The following PLCL2 variants were observed in gnomAD, a reference collection of about 807,000 sequenced individuals.
The protein encoded by PLCL2 is inactive phospholipase C-like protein 2.
In PLCL2, 4 loss-of-function variants were observed where a neutral mutation model predicts 79.6. The observed-to-expected ratio is 0.05, with a 90% CI of 0.02 to 0.11. The LOEUF (loss-of-function observed/expected upper bound fraction) is 0.11, where lower values mean the gene tolerates loss of function less well. Among genes scored for constraint, PLCL2 ranks in the 10% least tolerant of loss-of-function variants. The pLI is 1.00. For synonymous variants in PLCL2, 484 were observed against 457.7 expected, an observed-to-expected ratio of 1.06 and a Z score of -0.73; for missense variants, 895 against 1,291.0, an observed-to-expected ratio of 0.69 and a Z score of 4.70.
chr3:17,030,666 G>C (rs1211290196), intron 3 of PLCL2, among the ~76,000 whole-genome samples: 1 of 152,198 alleles, frequency 6.6e-6, no homozygotes, highest in Non-Finnish European at 1.5e-5. Context: ...AAATACTCTA[G>C]TAGCTGCTCA....
chr3:16,907,219 C>T (rs1012485875), intron 1 of PLCL2, among the ~76,000 whole-genome samples: 9 of 152,006 alleles, frequency 5.9e-5, no homozygotes, highest in Non-Finnish European at 8.8e-5. Flanking sequence ...TTAAACTTTC[C>T]GGTGTTTTTC....
At position 17,006,478 on chromosome 3, in the gene PLCL2, C is replaced by A. The variant is rs115095701; in HGVS notation, c.328-3196C>A. The stretch of plus-strand genomic sequence containing the variant: ...CCACCCATTAAGGAGTGCAAGCTCA[C>A]ATCTGTTCTCTTCCTTATTGGTCTC... On this transcript the variant is annotated intron_variant, in intron 1 of 5. Coordinates refer to ENST00000615277, the MANE Select transcript of PLCL2 (RefSeq NM_001144382.2). 9.8e-3 allele frequency among the ~76,000 whole-genome samples: 1,498 copies of A among 152,340 alleles called. 28 individuals carry two copies. The highest frequency in any genetic ancestry group is 0.033 in the African/African-American group (1,384 of 41,564).
chr3:16,970,057 TA>T (rs201427231), intron 1 of PLCL2, among the ~76,000 whole-genome samples: 10 of 115,432 alleles, frequency 8.7e-5, no homozygotes, highest in South Asian at 3.1e-4. Context: ...TATATATATA[TA>T]TTTTATTTTA....
intron 5 of PLCL2, among the ~76,000 whole-genome samples, chr3:17,075,545 TAAA>T (rs61190858): frequency 1.0e-4 from 13 of 129,722 alleles, no homozygotes; most frequent in Non-Finnish European, 9.9e-5. Flanking sequence ...CTTCAATGTG[TAAA>T]AAAAAAAAAA....
intron 5 of PLCL2, among the ~76,000 whole-genome samples, chr3:17,073,875 T>G (rs532428218): frequency 6.6e-6 from 1 of 152,354 alleles, no homozygotes; most frequent in South Asian, 2.1e-4. Context: ...GTTCTCTAGT[T>G]ATTTTCATTC....
intron 3 of PLCL2, among the ~76,000 whole-genome samples, chr3:17,028,632 A>G (rs539248020): frequency 2.3e-4 from 35 of 152,168 alleles, no homozygotes; most frequent in African/African-American, 7.7e-4. Flanking sequence ...ACGCACCAGC[A>G]TGCCCGGCTC....
At chr3:16,977,088 T>C (rs565432021) in intron 1 of PLCL2, among the ~76,000 whole-genome samples, 25 of 152,268 alleles carry the variant, frequency 1.6e-4, no homozygotes, top group African/African-American at 5.8e-4. Context: ...GGCATTGTGA[T>C]AGGTGTTGGA....
chr3:17,054,358 A>T lies in PLCL2; in HGVS notation c.3094+11409A>T, dbSNP rs376305051. ...AGTATTTTGGTCACAACAATTTAACAAGTCTCTAGGAAGTTCCAAACTTTC... is the reference window on the plus strand; with the variant it reads ...AGTATTTTGGTCACAACAATTTAACTAGTCTCTAGGAAGTTCCAAACTTTC... On this transcript the variant is annotated intron_variant, in intron 4 of 5. Transcript: ENST00000615277. 2.6e-5 allele frequency among the ~76,000 whole-genome samples: 4 copies of T among 152,160 alleles called. No homozygotes were observed. The East Asian group carries it at 7.7e-4, about 29-fold the overall frequency.
chr3:16,937,080 A>G (rs1309838835), intron 1 of PLCL2, among the ~76,000 whole-genome samples: 1 of 152,166 alleles, frequency 6.6e-6, no homozygotes, highest in Non-Finnish European at 1.5e-5. Flanking sequence ...AGCCATGACA[A>G]TAAAAAAGTG....
At chr3:16,927,561 CTT>C (rs1439358188) in intron 1 of PLCL2, among the ~76,000 whole-genome samples, 1 of 152,140 alleles carries the variant, frequency 6.6e-6, no homozygotes, top group Non-Finnish European at 1.5e-5. Flanking sequence ...CTGGAAGGGA[CTT>C]TGGTTGTAAA....
intron 1 of PLCL2, among the ~76,000 whole-genome samples, chr3:16,980,425 G>A (rs1311013129): frequency 1.3e-5 from 2 of 149,878 alleles, no homozygotes; most frequent in Non-Finnish European, 3.0e-5. Context: ...CAGACGGGGC[G>A]GTTGCCAGGC....
At chr3:17,002,714 G>A (rs2125003259) in intron 1 of PLCL2, among the ~76,000 whole-genome samples, 1 of 152,090 alleles carries the variant, frequency 6.6e-6, no homozygotes. Context: ...TTTTCCTACA[G>A]GGACTTTGTT....
intron 1 of PLCL2, among the ~76,000 whole-genome samples, chr3:16,911,415 A>G (rs1056500819): frequency 2.0e-5 from 3 of 152,160 alleles, no homozygotes; most frequent in Admixed American, 6.5e-5. Context: ...GAGTAGGGAC[A>G]CTATTTAAAA....
chr3:17,001,196 A>G (rs918606328), intron 1 of PLCL2, among the ~76,000 whole-genome samples: 4 of 151,870 alleles, frequency 2.6e-5, no homozygotes, highest in South Asian at 2.1e-4. Context: ...CTTGTTGGCC[A>G]TTTGTATGTA....
intron 1 of PLCL2, among the ~76,000 whole-genome samples, chr3:16,939,150 G>A (rs77594988): frequency 1.4e-4 from 22 of 151,902 alleles, no homozygotes; most frequent in African/African-American, 2.4e-4. Context: ...AAGGGTAAGC[G>A]GGTAATCACA....
rs1470818663 is a variant in PLCL2, at chr3:16,970,684, TAA to T, written c.328-38987_328-38986del. 6.2e-5 allele frequency among the ~76,000 whole-genome samples: 9 copies of T among 144,958 alleles called. No homozygotes were observed. The South Asian group carries it at 2.1e-3, about 34-fold the overall frequency. On this transcript the variant is annotated intron_variant, in intron 1 of 5. Transcript: ENST00000615277. ...CTAGTTTACAGTCCCACCAACAGTG[TAA>T]AAGTGTTCCTATTTCTCCACATCCT...
chr3:16,978,944 C>A (rs918394085), intron 1 of PLCL2, among the ~76,000 whole-genome samples: 1 of 152,164 alleles, frequency 6.6e-6, no homozygotes, highest in African/African-American at 2.4e-5. Context: ...GAGATACTTG[C>A]CCAAAGAGAA....
intron 4 of PLCL2, among the ~76,000 whole-genome samples, chr3:17,062,446 C>T (rs1439984782): frequency 6.6e-6 from 1 of 152,150 alleles, no homozygotes. Context: ...TTAACTGTTA[C>T]CTCTTGTCTT....
rs1457540447 is a variant in PLCL2 at position 17,067,984 on chromosome 3, C to T, written c.3123C>T (p.Ser1041=). 1.2e-6 allele frequency: 2 copies of T among 1,610,964 alleles called. No homozygotes were observed. Among genetic ancestry groups the T allele is most frequent in the African/African-American group, 1.3e-5 (1 of 74,956 alleles). ...TGGAATTCCATGAACACTTGCACAGCATAGGCACCAAGGAAGGTTTGAAGG... is the reference window on the plus strand; with the variant it reads ...TGGAATTCCATGAACACTTGCACAGTATAGGCACCAAGGAAGGTTTGAAGG... ...AAMEFHEHLH[S]IGTKEGLKER... is the part of the protein sequence containing the mutation. Residue 1041 remains serine (S), a synonymous_variant, in exon 5 of 6, where the codon AGC becomes AGT. Transcript: ENST00000615277.
Sources: gnomAD v4.1 joint callset for allele counts (sites outside exome capture counted in the v4.1 genomes callset) on GRCh38, gnomAD v4.1.1 for gene constraint, MANE v1.5 for transcripts, NCBI Gene and HGNC (gene_info 2026-07-23, HGNC 2026-07-21) for gene names.